The following ZNF385D variants were observed in gnomAD, a reference collection of about 807,000 sequenced individuals.
ZNF385D encodes zinc finger protein 385D.
ZNF385D carries 15 observed loss-of-function variants against 35.8 expected under a neutral mutation model. The ratio of observed to expected loss-of-function variants is 0.42; its 90% CI spans 0.28 to 0.64. The LOEUF is 0.64. Among genes scored for constraint, ZNF385D ranks in the 30% least tolerant of loss-of-function variants. The pLI, the probability that ZNF385D is intolerant of heterozygous loss-of-function variation, is 0.23. For missense variants in ZNF385D, 474 were observed against 494.6 expected (o/e 0.96, Z 0.39); for synonymous variants, 212 against 186.8 (o/e 1.13, Z -1.10).
chr3:22,208,625 A>G (rs2125256090), intron 2 of ZNF385D, among the ~76,000 whole-genome samples: 1 of 151,956 alleles, frequency 6.6e-6, no homozygotes, highest in East Asian at 1.9e-4. Flanking sequence ...ATTTCCCCTC[A>G]TGTGATTATT....
At chr3:21,943,264 C>G (rs543061713) in intron 3 of ZNF385D, among the ~76,000 whole-genome samples, 2 of 150,932 alleles carry the variant, frequency 1.3e-5, no homozygotes, top group African/African-American at 4.9e-5. Flanking sequence ...TTCACTGACT[C>G]TATATTTGAA....
chr3:21,687,598 T>C (rs1353324871), intron 1 of ZNF385D, among the ~76,000 whole-genome samples: 1 of 152,156 alleles, frequency 6.6e-6, no homozygotes, highest in Non-Finnish European at 1.5e-5. Flanking sequence ...GTTCATAGTT[T>C]ACATTAAGGT....
chr3:21,999,743 T>C (rs1209530416), intron 3 of ZNF385D, among the ~76,000 whole-genome samples: 2 of 147,000 alleles, frequency 1.4e-5, no homozygotes, highest in African/African-American at 2.6e-5. Context: ...AACTTGAAAG[T>C]AGTTCTTGTA....
intron 3 of ZNF385D, among the ~76,000 whole-genome samples, chr3:21,814,614 T>C (rs769989116): frequency 2.8e-4 from 43 of 152,124 alleles, no homozygotes; most frequent in Non-Finnish European, 4.4e-4. Context: ...AAAGGGATGA[T>C]TTCAACAAGA....
intron 3 of ZNF385D, among the ~76,000 whole-genome samples, chr3:22,017,467 G>T (rs1165478280): frequency 6.6e-6 from 1 of 151,630 alleles, no homozygotes. Context: ...ATTATTTTTT[G>T]TTTCTTATTC....
chr3:21,537,165 C>T (rs1351407676), intron 3 of ZNF385D, among the ~76,000 whole-genome samples: 2 of 130,894 alleles, frequency 1.5e-5, no homozygotes, highest in African/African-American at 2.9e-5. Flanking sequence ...TGGAGTCTCG[C>T]TGTGTCACCC....
chr3:22,280,823 G>T (rs1413277262), intron 2 of ZNF385D, among the ~76,000 whole-genome samples: 1 of 151,944 alleles, frequency 6.6e-6, no homozygotes, highest in Non-Finnish European at 1.5e-5. Context: ...TATTTTGATT[G>T]GAATTGTATT....
chr3:21,798,246 TTGTC>T (rs1338259368), intron 3 of ZNF385D, among the ~76,000 whole-genome samples: 1 of 152,060 alleles, frequency 6.6e-6, no homozygotes, highest in East Asian at 1.9e-4. Context: ...ATGACACAGG[TTGTC>T]TGGTTCTTCG....
Position 21,564,567 on chromosome 3 carries a change from A to C in ZNF385D, c.276+7T>G, listed in dbSNP as rs1194530190. On this transcript the variant is annotated splice_region_variant and intron_variant, in intron 3 of 7. Coordinates refer to ENST00000281523, the MANE Select transcript of ZNF385D (RefSeq NM_024697.3). Reference sequence around the variant, plus strand: ...TTTTTTAAGTGAACACTAAATGATAAACTTACATCAGAATTAAATCTCAAC... The same window carrying C: ...TTTTTTAAGTGAACACTAAATGATACACTTACATCAGAATTAAATCTCAAC... 2.7e-6 allele frequency: 4 copies of C among 1,506,132 alleles called. No individual in the cohort carries two copies. In the African/African-American group the frequency reaches 5.7e-5, roughly 21 times the overall value. The allele number at this position is 1,506,132 out of a possible 1,614,324, so 93.3% of individuals were successfully genotyped here.
chr3:21,481,276 TC>T (rs1704610417), intron 4 of ZNF385D, among the ~76,000 whole-genome samples: 1 of 152,188 alleles, frequency 6.6e-6, no homozygotes, highest in African/African-American at 2.4e-5. Flanking sequence ...TATGCAAAAG[TC>T]CAATTCTTAA....
chr3:21,581,091 C>CTT (rs533623635), intron 2 of ZNF385D, among the ~76,000 whole-genome samples: 179 of 152,240 alleles, frequency 1.2e-3, no homozygotes, highest in African/African-American at 4.2e-3. Flanking sequence ...GGACATTTTA[C>CTT]TTTGGAAAAC....
At chr3:22,237,379 GGTTGT>G (rs541374943) in intron 2 of ZNF385D, among the ~76,000 whole-genome samples, 6 of 151,656 alleles carry the variant, frequency 4.0e-5, no homozygotes, top group Non-Finnish European at 8.8e-5. Flanking sequence ...TTTATTATTG[GGTTGT>G]GTTATTTTTA....
At chr3:21,825,137 C>T (rs1694516718) in intron 3 of ZNF385D, among the ~76,000 whole-genome samples, 1 of 152,072 alleles carries the variant, frequency 6.6e-6, no homozygotes, top group Non-Finnish European at 1.5e-5. Context: ...TTTTCTCACG[C>T]CAATATTTTA....
chr3:21,736,694 A>G (rs971170069), intron 1 of ZNF385D, among the ~76,000 whole-genome samples: 21 of 152,210 alleles, frequency 1.4e-4, no homozygotes, highest in African/African-American at 4.1e-4. Context: ...TTAGCAGAAT[A>G]GAAGTGAAAT....
At chr3:21,851,450 A>G (rs1696383146) in intron 3 of ZNF385D, among the ~76,000 whole-genome samples, 1 of 152,050 alleles carries the variant, frequency 6.6e-6, no homozygotes, top group Admixed American at 6.6e-5. Flanking sequence ...TATTCTCCAC[A>G]AAACAAAAAC....
intron 3 of ZNF385D, among the ~76,000 whole-genome samples, chr3:21,993,893 G>A (rs957250832): frequency 1.3e-5 from 2 of 152,050 alleles, no homozygotes; most frequent in African/African-American, 4.8e-5. Context: ...TATAATTTCT[G>A]CTTTTTTCCA....
At chr3:22,102,893 AG>A (rs1404979175) in intron 3 of ZNF385D, among the ~76,000 whole-genome samples, 1 of 139,298 alleles carries the variant, frequency 7.2e-6, no homozygotes, top group African/African-American at 2.9e-5. Context: ...TGAATTTATC[AG>A]GGAAAAAAAA....
rs1698306692 is a variant in ZNF385D, at chr3:22,036,208, G to A, written c.325+132609C>T. 2.0e-5 allele frequency among the ~76,000 whole-genome samples: 3 copies of A among 152,160 alleles called. 1 individual carries two copies. The South Asian group carries it at 6.2e-4, about 32-fold the overall frequency. ...TGAAAGGGAAAGGATTCATGGGGGT[G>A]AAGGTACTCAATTCTTCTCAGAGGT... On this transcript the variant is annotated intron_variant, in intron 3 of 5. Transcript: ENST00000494108.
At chr3:22,261,438 C>T (rs994692099) in intron 2 of ZNF385D, among the ~76,000 whole-genome samples, 2 of 151,966 alleles carry the variant, frequency 1.3e-5, no homozygotes, top group Non-Finnish European at 2.9e-5. Flanking sequence ...GCTAATTTCA[C>T]AGGAATAAAA....
Sources: allele counts gnomAD v4.1 joint callset (sites outside exome capture counted in the v4.1 genomes callset), GRCh38; gene constraint gnomAD v4.1.1; transcripts MANE v1.5; gene names NCBI Gene and HGNC (gene_info 2026-07-23, HGNC 2026-07-21).